Variants in MAPK10 observed in about 807,000 individuals in gnomAD.
MAPK10 encodes the protein mitogen-activated protein kinase 10, also known as JNK3 alpha protein kinase.
Under a neutral mutation model 59.3 loss-of-function variants are expected in MAPK10, and 25 were observed. The ratio of observed to expected loss-of-function variants is 0.42; its 90% CI spans 0.31 to 0.59. The LOEUF (loss-of-function observed/expected upper bound fraction) is 0.59. Among genes scored for constraint, MAPK10 ranks in the 20% least tolerant of loss-of-function variants. MAPK10 has a pLI of 0.15. For missense variants in MAPK10, 351 were observed against 568.9 expected, an observed-to-expected ratio of 0.62 and a Z score of 3.90; for synonymous variants, 190 against 200.5, an observed-to-expected ratio of 0.95 and a Z score of 0.44.
intron 4 of MAPK10, among the ~76,000 whole-genome samples, chr4:86,135,161 G>A (rs1340612763): frequency 6.6e-6 from 1 of 152,352 alleles, no homozygotes; most frequent in Admixed American, 6.5e-5. Context: ...CACCCTAGAA[G>A]CTCCAACTGG....
intron 1 of MAPK10, among the ~76,000 whole-genome samples, chr4:86,379,925 T>A (rs933276166): frequency 2.0e-5 from 3 of 150,490 alleles, no homozygotes; most frequent in African/African-American, 7.5e-5. Context: ...GGTCTTGCAC[T>A]TTTCATTTCC....
At chr4:86,528,869 A>C (rs1757666797) in intron 1 of MAPK10, among the ~76,000 whole-genome samples, 1 of 152,220 alleles carries the variant, frequency 6.6e-6, no homozygotes, top group Admixed American at 6.5e-5. Context: ...TCATTTAAAC[A>C]CTTCGATTTT....
rs146994212 is a variant in MAPK10 at position 86,590,111 on chromosome 4, G to C, written c.-263+3799C>G. Among the ~76,000 whole-genome samples the C allele has an allele frequency of 3.2e-3, 488 of 152,052 alleles. 5 individuals carry two copies. The highest frequency in any genetic ancestry group is 9.9e-3 in the African/African-American group (412 of 41,450). ...ACTACACAGCCTTTCAAAAGAACTA[G>C]GCTCATCTAAAGCATCTGATAACAG... On this transcript the variant is annotated intron_variant, in intron 1 of 4. Transcript: ENST00000502302.
At chr4:86,203,337 G>C (rs969283976) in intron 2 of MAPK10, among the ~76,000 whole-genome samples, 1 of 151,898 alleles carries the variant, frequency 6.6e-6, no homozygotes, top group Non-Finnish European at 1.5e-5. Flanking sequence ...GCTGCTGTAA[G>C]ATAATGTAAC....
At chr4:86,272,752 TA>T (rs1209520641) in intron 2 of MAPK10, among the ~76,000 whole-genome samples, 2 of 152,082 alleles carry the variant, frequency 1.3e-5, no homozygotes, top group Non-Finnish European at 2.9e-5. Flanking sequence ...CATTTGCCTG[TA>T]ACCAAATTTC....
chr4:86,430,172 T>C (rs1424633065), intron 1 of MAPK10, among the ~76,000 whole-genome samples: 1 of 152,202 alleles, frequency 6.6e-6, no homozygotes, highest in Non-Finnish European at 1.5e-5. Flanking sequence ...TACGTACCCA[T>C]GTAGATTCCT....
intron 1 of MAPK10, among the ~76,000 whole-genome samples, chr4:86,530,684 A>C (rs1426784696): frequency 6.6e-6 from 1 of 152,170 alleles, no homozygotes; most frequent in Non-Finnish European, 1.5e-5. Context: ...CTCTGTTTAT[A>C]AGGATACTAA....
chr4:86,194,769 T>C (rs1454075466), intron 2 of MAPK10, among the ~76,000 whole-genome samples: 3 of 151,754 alleles, frequency 2.0e-5, no homozygotes, highest in Non-Finnish European at 4.4e-5. Flanking sequence ...TATATATATT[T>C]ATTGTAGAAT....
At chr4:86,478,042 G>A (rs576406693) in intron 1 of MAPK10, among the ~76,000 whole-genome samples, 2 of 152,094 alleles carry the variant, frequency 1.3e-5, no homozygotes, top group South Asian at 4.2e-4. Flanking sequence ...AAAAACACAC[G>A]TGCTTTCCCC....
intron 3 of MAPK10, among the ~76,000 whole-genome samples, chr4:86,181,861 C>T (rs1460766): frequency 0.085 from 12,905 of 152,094 alleles, 1,216 homozygotes; most frequent in African/African-American, 0.23. Flanking sequence ...CATATTATTT[C>T]TCTGTGAATA....
intron 1 of MAPK10, among the ~76,000 whole-genome samples, chr4:86,409,210 G>A (rs1453930976): frequency 6.6e-6 from 1 of 152,136 alleles, no homozygotes; most frequent in Non-Finnish European, 1.5e-5. Flanking sequence ...TCAGATGGTT[G>A]TAGACGTGTG....
At chr4:86,426,914 A>G (rs1747352931) in intron 1 of MAPK10, among the ~76,000 whole-genome samples, 2 of 152,124 alleles carry the variant, frequency 1.3e-5, no homozygotes, top group Non-Finnish European at 2.9e-5. Flanking sequence ...GCAGAAAGTC[A>G]GTGCCTAATT....
intron 2 of MAPK10, among the ~76,000 whole-genome samples, chr4:86,221,838 TTGG>T (rs2089699583): frequency 1.3e-5 from 2 of 152,280 alleles, no homozygotes; most frequent in African/African-American, 4.8e-5. Flanking sequence ...GAGGTGGGAC[TTGG>T]TGGGAGGTGA....
At chr4:86,094,977 CT>C (rs1236404358) in intron 9 of MAPK10, among the ~76,000 whole-genome samples, 1 of 151,550 alleles carries the variant, frequency 6.6e-6, no homozygotes, top group Non-Finnish European at 1.5e-5. Context: ...AAAATATATG[CT>C]ATGAAATGTT....
At chr4:86,518,168 A>G (rs892680288) in intron 1 of MAPK10, among the ~76,000 whole-genome samples, 6 of 152,162 alleles carry the variant, frequency 3.9e-5, no homozygotes, top group African/African-American at 1.4e-4. Context: ...GATTACAGGC[A>G]TGCTCCACTA....
chr4:86,550,646 T>A (rs1759703999), intron 1 of MAPK10, among the ~76,000 whole-genome samples: 1 of 152,190 alleles, frequency 6.6e-6, no homozygotes, highest in South Asian at 2.1e-4. Flanking sequence ...GAGGTTGCAG[T>A]GAGCCAAGAT....
At chr4:86,246,095 A>G (rs2093066555) in intron 2 of MAPK10, among the ~76,000 whole-genome samples, 1 of 152,224 alleles carries the variant, frequency 6.6e-6, no homozygotes. Context: ...ACTCATCATT[A>G]CAAAGAAATA....
chr4:86,164,438 A>T (rs2070928275), intron 3 of MAPK10: 1 of 152,140 alleles, frequency 6.6e-6, no homozygotes, highest in South Asian at 2.1e-4. Context: ...CAACAACAAA[A>T]CCACAGTGAG....
rs1318235368 is a variant in MAPK10 at position 86,023,844 on chromosome 4, TATATATAA to T, written c.1252+5345_1252+5352del. The T allele has an allele frequency of 7.9e-4, 92 of 116,736 alleles. 1 individual carries two copies. The East Asian group carries it at 0.016, about 21-fold the overall frequency. The allele number at this position is 116,736 out of a possible 1,614,324, so 7.2% of individuals were successfully genotyped here. A position where few individuals can be genotyped will look rare whatever the true frequency, so the allele number is the denominator to read the frequency against. ...ATATATATATATATATATATATATATATATATAAAATGAATGTTGTAATTAACTAGAAA... is the reference window on the plus strand; with the variant it reads ...ATATATATATATATATATATATATATAATGAATGTTGTAATTAACTAGAAA... On this transcript the variant is annotated intron_variant, in intron 13 of 13. Transcript: ENST00000641462.
Sources: allele counts gnomAD v4.1 joint callset (sites outside exome capture counted in the v4.1 genomes callset), GRCh38; gene constraint gnomAD v4.1.1; transcripts MANE v1.5; gene names NCBI Gene and HGNC (gene_info 2026-07-23, HGNC 2026-07-21).